The following ZFHX3 variants were observed in gnomAD, a reference collection of about 807,000 sequenced individuals.
The protein encoded by ZFHX3 is zinc finger homeobox 3.
In ZFHX3, 42 loss-of-function variants were observed where a neutral mutation model predicts 279.1. The ratio of observed to expected loss-of-function variants is 0.15; its 90% CI spans 0.12 to 0.19. The LOEUF (loss-of-function observed/expected upper bound fraction) is 0.19, where lower values mean the gene tolerates loss of function less well. ZFHX3 is among the 10% of genes least tolerant of loss of function. The pLI, the probability that ZFHX3 is intolerant of heterozygous loss-of-function variation, is 1.00. For synonymous variants in ZFHX3, 2,293 were observed against 1,957.8 expected, an observed-to-expected ratio of 1.17 and a Z score of -4.52; for missense variants, 4,981 against 4,754.0, an observed-to-expected ratio of 1.05 and a Z score of -1.40.
intron 4 of ZFHX3, among the ~76,000 whole-genome samples, chr16:73,300,421 A>G (rs925598925): frequency 6.6e-6 from 1 of 152,162 alleles, no homozygotes; most frequent in African/African-American, 2.4e-5. Flanking sequence ...ACTGAGGCAT[A>G]AAGATGTCCT....
chr16:73,512,104 G>T (rs78972032), intron 2 of ZFHX3, among the ~76,000 whole-genome samples: 1 of 151,848 alleles, frequency 6.6e-6, no homozygotes, highest in African/African-American at 2.4e-5. Flanking sequence ...AGGAACAGCC[G>T]GACACGGGAA....
chr16:72,858,816 C>T (rs1162705979), intron 4 of ZFHX3, among the ~76,000 whole-genome samples: 3 of 152,260 alleles, frequency 2.0e-5, no homozygotes, highest in Non-Finnish European at 4.4e-5. Flanking sequence ...GAGGGCAGAG[C>T]CCCAGGCCCT....
intron 4 of ZFHX3, among the ~76,000 whole-genome samples, chr16:73,269,697 A>G (rs1439258062): frequency 6.6e-6 from 1 of 151,600 alleles, no homozygotes; most frequent in African/African-American, 2.4e-5. Flanking sequence ...TTGGTCCTTC[A>G]TCATATATTT....
intron 7 of ZFHX3, among the ~76,000 whole-genome samples, chr16:72,803,331 C>CCAAT (rs749053511): frequency 6.8e-4 from 104 of 152,062 alleles, no homozygotes; most frequent in Middle Eastern, 6.8e-3. Flanking sequence ...GACTCTGTCT[C>CCAAT]CAATCAATCA....
At chr16:73,456,216 T>C (rs988764089) in exon 3 of ZFHX3, 8 of 152,150 alleles carry the variant, frequency 5.3e-5, no homozygotes, top group African/African-American at 1.4e-4. Context: ...GACAGGGTCG[T>C]GAGACAGGGA....
At chr16:72,977,603 T>C (rs557911270) in intron 1 of ZFHX3, among the ~76,000 whole-genome samples, 33 of 140,994 alleles carry the variant, frequency 2.3e-4, no homozygotes, top group African/African-American at 8.4e-4. Flanking sequence ...GGGAAAAAAA[T>C]CACTCTCCAC....
intron 4 of ZFHX3, among the ~76,000 whole-genome samples, chr16:72,843,130 G>A (rs918543725): frequency 1.2e-4 from 18 of 152,152 alleles, no homozygotes; most frequent in Admixed American, 5.2e-4. Context: ...TTCTACCTGT[G>A]TTTTGAGGTA....
chr16:73,842,216 C>CAA (rs368573053), intron 1 of ZFHX3, among the ~76,000 whole-genome samples: 2 of 138,226 alleles, frequency 1.4e-5, no homozygotes, highest in African/African-American at 5.3e-5. Flanking sequence ...AACTCCATCT[C>CAA]AAAAAAAAAA....
rs755308796 is a variant in ZFHX3 at position 73,296,877 on chromosome 16, A to ATGTTTTTTTTTTTTTTTTTTT, written c.-1194+21362_-1194+21363insAAAAAAAAAAAAAAAAAAACA. On this transcript the variant is annotated intron_variant, in intron 4 of 17. Coordinates refer to the ZFHX3 transcript ENST00000641206. The stretch of plus-strand genomic sequence containing the variant: ...TTTATAATTGCCATGTGAAGCAGGA[A>ATGTTTTTTTTTTTTTTTTTTT]TTTTTTTTTTTTTTTTTTTGAGACG... 5.2e-5 allele frequency among the ~76,000 whole-genome samples: 6 copies of ATGTTTTTTTTTTTTTTTTTTT among 116,080 alleles called. 2 individuals are homozygous for ATGTTTTTTTTTTTTTTTTTTT. The highest frequency in any genetic ancestry group is 1.7e-4 in the African/African-American group (5 of 28,736). The allele number at this position is 116,080 out of a possible 152,430, so 76.2% of individuals were successfully genotyped here. A position where few individuals can be genotyped will look rare whatever the true frequency, so the allele number is the denominator to read the frequency against.
At chr16:72,976,264 T>C (rs1962341377) in intron 1 of ZFHX3, among the ~76,000 whole-genome samples, 1 of 152,200 alleles carries the variant, frequency 6.6e-6, no homozygotes, top group African/African-American at 2.4e-5. Flanking sequence ...AGAACAAATT[T>C]TGGCAACTGT....
chr16:73,455,606 G>C (rs1239953419), intron 3 of ZFHX3, among the ~76,000 whole-genome samples: 1 of 151,976 alleles, frequency 6.6e-6, no homozygotes, highest in Non-Finnish European at 1.5e-5. Flanking sequence ...CCCATTCAAA[G>C]GACTTATTAG....
At chr16:73,385,717 T>A (rs902831780) in intron 3 of ZFHX3, among the ~76,000 whole-genome samples, 2 of 152,184 alleles carry the variant, frequency 1.3e-5, no homozygotes, top group African/African-American at 4.8e-5. Flanking sequence ...CTAATGCCAG[T>A]GCCCCCCACT....
intron 5 of ZFHX3, among the ~76,000 whole-genome samples, chr16:73,156,165 G>C (rs934728670): frequency 6.8e-6 from 1 of 146,694 alleles, no homozygotes; most frequent in Admixed American, 7.1e-5. Context: ...CCGGGAGGCA[G>C]AGCTTGCAGT....
chr16:72,877,100 A>C (rs1045372947), intron 4 of ZFHX3, among the ~76,000 whole-genome samples: 1 of 152,252 alleles, frequency 6.6e-6, no homozygotes, highest in Non-Finnish European at 1.5e-5. Flanking sequence ...AGCAAAGCTC[A>C]GAGAAAACAG....
At chr16:73,585,122 T>G (rs980313405) in intron 2 of ZFHX3, among the ~76,000 whole-genome samples, 2 of 152,178 alleles carry the variant, frequency 1.3e-5, no homozygotes, top group Non-Finnish European at 2.9e-5. Flanking sequence ...TTTACACTCT[T>G]GGTAAAACAA....
intron 2 of ZFHX3, among the ~76,000 whole-genome samples, chr16:73,614,242 G>T (rs972639550): frequency 6.6e-6 from 1 of 152,192 alleles, no homozygotes; most frequent in African/African-American, 2.4e-5. Flanking sequence ...GAAAGCCTTG[G>T]TCTGGTCAGG....
intron 4 of ZFHX3, among the ~76,000 whole-genome samples, chr16:72,860,619 A>T (rs1288022220): frequency 1.3e-5 from 2 of 152,092 alleles, no homozygotes; most frequent in Non-Finnish European, 2.9e-5. Context: ...TAGTAGAGAT[A>T]GGGTTTCACC....
chr16:73,648,548 C>T (rs1337015777), intron 2 of ZFHX3, among the ~76,000 whole-genome samples: 8 of 151,980 alleles, frequency 5.3e-5, no homozygotes, highest in Admixed American at 1.3e-4. Context: ...CACAACCATG[C>T]GCAGCTAATT....
At chr16:72,827,514 G>T (rs1054973813) in intron 5 of ZFHX3, among the ~76,000 whole-genome samples, 3 of 152,176 alleles carry the variant, frequency 2.0e-5, no homozygotes, top group Non-Finnish European at 4.4e-5. Context: ...GACAACAAAG[G>T]ACAGATGGCT....
Sources: gnomAD v4.1 joint callset for allele counts (sites outside exome capture counted in the v4.1 genomes callset) on GRCh38, gnomAD v4.1.1 for gene constraint, MANE v1.5 for transcripts, NCBI Gene and HGNC (gene_info 2026-07-23, HGNC 2026-07-21) for gene names.